The following CLDN16 variants were observed in gnomAD, a reference collection of about 807,000 sequenced individuals.
The protein encoded by CLDN16 is claudin 16, also known as claudin-16.
A neutral mutation model predicts 24.6 loss-of-function variants in CLDN16; 13 were observed. That is an observed-to-expected ratio of 0.53 (90% CI 0.34 to 0.84). The LOEUF is 0.84. CLDN16 is among the 40% of genes least tolerant of loss of function. The probability of loss-of-function intolerance (pLI) is 0.01; values close to 1 mark genes in which losing one functional copy is unlikely to be tolerated. For missense variants in CLDN16, 298 were observed against 292.7 expected, an observed-to-expected ratio of 1.02 and a Z score of -0.13; for synonymous variants, 116 against 106.7, an observed-to-expected ratio of 1.09 and a Z score of -0.54.
chr3:190,351,115 C>A (rs911148192), intron 1 of CLDN16, among the ~76,000 whole-genome samples: 1 of 151,680 alleles, frequency 6.6e-6, no homozygotes, highest in Non-Finnish European at 1.5e-5. Context: ...TGCACTCCCC[C>A]CCACCCCCTT....
chr3:190,395,435 G>T (rs1718792801), intron 1 of CLDN16, among the ~76,000 whole-genome samples: 2 of 151,876 alleles, frequency 1.3e-5, no homozygotes, highest in Non-Finnish European at 2.9e-5. Flanking sequence ...CTCCATTTAG[G>T]CCCTGGGATA....
the CLDN16 span, among the ~76,000 whole-genome samples, chr3:190,292,929 C>T: frequency 5.3e-5 from 8 of 152,318 alleles, no homozygotes; most frequent in Non-Finnish European, 1.0e-4. Context: ...TCTTCTGAGG[C>T]CTCCAAACTG....
the CLDN16 span, among the ~76,000 whole-genome samples, chr3:190,301,686 A>G: frequency 2.0e-5 from 3 of 152,184 alleles, no homozygotes; most frequent in African/African-American, 7.2e-5. Flanking sequence ...CATACCTCAC[A>G]TCTAGTCAAT....
At chr3:190,377,220 G>C (rs544601277) in intron 3 of CLDN16, among the ~76,000 whole-genome samples, 1 of 152,084 alleles carries the variant, frequency 6.6e-6, no homozygotes, top group South Asian at 2.1e-4. Context: ...TGCATATTGT[G>C]CTGCATACTT....
intron 1 of CLDN16, among the ~76,000 whole-genome samples, chr3:190,395,503 T>G (rs1358076375): frequency 6.6e-6 from 1 of 152,020 alleles, no homozygotes; most frequent in Non-Finnish European, 1.5e-5. Flanking sequence ...GTTGGAAAAT[T>G]TAAATGCATT....
intron 4 of CLDN16, among the ~76,000 whole-genome samples, chr3:190,409,186 A>ACACATGTATATGCATGTATATATG (rs1719197308): frequency 2.0e-5 from 2 of 99,520 alleles, no homozygotes; most frequent in African/African-American, 3.6e-5. Flanking sequence ...ATGTATATAT[A>ACACATGTATATGCATGTATATATG]CACACACGTA....
chr3:190,290,848 A>G, the CLDN16 span, among the ~76,000 whole-genome samples: 1 of 152,228 alleles, frequency 6.6e-6, no homozygotes, highest in Admixed American at 6.5e-5. Flanking sequence ...GCACAGTTCT[A>G]GAAATGAGAT....
chr3:190,312,090 C>A, the CLDN16 span, among the ~76,000 whole-genome samples: 2 of 151,590 alleles, frequency 1.3e-5, no homozygotes, highest in African/African-American at 2.4e-5. Flanking sequence ...ACCACCACAC[C>A]CAGCTAATTT....
Position 190,343,482 on chromosome 3 carries a change from C to T in CLDN16, n.121+20821C>T, listed in dbSNP as rs75178351. The stretch of plus-strand genomic sequence containing the variant: ...CTCAAAGGAGATAAAATCACCACCT[C>T]GTAAAGATATCTGCACTCTCATATT... On this transcript the variant is annotated intron_variant and non_coding_transcript_variant, in intron 1 of 4. Coordinates refer to the CLDN16 transcript ENST00000468220. 3.3e-5 allele frequency among the ~76,000 whole-genome samples: 5 copies of T among 152,116 alleles called. No individual in the cohort carries two copies. The East Asian group carries it at 5.8e-4, about 18-fold the overall frequency.
At chr3:190,298,275 A>G in the CLDN16 span, among the ~76,000 whole-genome samples, 1 of 151,960 alleles carries the variant, frequency 6.6e-6, no homozygotes, top group Non-Finnish European at 1.5e-5. Flanking sequence ...CTTTCAAAGG[A>G]AACATTATAC....
the CLDN16 span, among the ~76,000 whole-genome samples, chr3:190,302,060 C>T: frequency 1.8e-4 from 28 of 152,328 alleles, no homozygotes; most frequent in African/African-American, 5.8e-4. Flanking sequence ...TTCATTGCAG[C>T]TGCGTTGGCC....
In CLDN16 at chr3:190,371,498, C is replaced by T. The variant is rs908741677; in HGVS notation, n.230+497C>T. Among the ~76,000 whole-genome samples the T allele has an allele frequency of 2.0e-5, 3 of 151,892 alleles. No homozygotes were observed. The East Asian group carries it at 5.8e-4, about 30-fold the overall frequency. Reference sequence around the variant, plus strand: ...ACTTAATAAGTCATAGACCAATAGTCCAGGCAGAAGGAATCAGGTCAGACT... The same window carrying T: ...ACTTAATAAGTCATAGACCAATAGTTCAGGCAGAAGGAATCAGGTCAGACT... On this transcript the variant is annotated intron_variant and non_coding_transcript_variant, in intron 2 of 4. Transcript: ENST00000468220.
At chr3:190,359,100 G>A (rs1203237933) in intron 1 of CLDN16, among the ~76,000 whole-genome samples, 1 of 151,940 alleles carries the variant, frequency 6.6e-6, no homozygotes, top group Non-Finnish European at 1.5e-5. Context: ...TTTGTAATCA[G>A]GGCATTTGTT....
At chr3:190,338,196 G>A (rs571547957) in intron 1 of CLDN16, among the ~76,000 whole-genome samples, 9 of 152,228 alleles carry the variant, frequency 5.9e-5, no homozygotes, top group African/African-American at 2.2e-4. Flanking sequence ...AGAGCCTGTG[G>A]ATCCAGAGGT....
chr3:190,336,439 T>C (rs887548911), intron 1 of CLDN16, among the ~76,000 whole-genome samples: 1 of 152,192 alleles, frequency 6.6e-6, no homozygotes, highest in Non-Finnish European at 1.5e-5. Context: ...GGCAAAGTTA[T>C]GGCATCTTTT....
At chr3:190,295,392 A>T in the CLDN16 span, among the ~76,000 whole-genome samples, 23 of 152,204 alleles carry the variant, frequency 1.5e-4, no homozygotes, top group African/African-American at 5.5e-4. Context: ...CTTAGGTTGG[A>T]CAGAAAGGAT....
the CLDN16 span, chr3:190,308,269 C>T: frequency 6.2e-7 from 1 of 1,613,574 alleles, no homozygotes; most frequent in Non-Finnish European, 8.5e-7. Flanking sequence ...TCTCCTTTTG[C>T]CTCTGTGTCA....
Position 190,340,890 on chromosome 3 carries a change from G to A in CLDN16, n.121+18229G>A, listed in dbSNP as rs988035724. Among the ~76,000 whole-genome samples, 5 of 152,150 alleles carry A rather than the reference G, an allele frequency of 3.3e-5. No individual in the cohort carries two copies. The East Asian group carries it at 7.7e-4, about 23-fold the overall frequency. On this transcript the variant is annotated intron_variant and non_coding_transcript_variant, in intron 1 of 4. Coordinates refer to the CLDN16 transcript ENST00000468220. Reference sequence around the variant, plus strand: ...ATTGGCCAAAACAAAGGGGTTACAGGCCCCATGCAAGTCGGAAATCCAGCA... The same window carrying A: ...ATTGGCCAAAACAAAGGGGTTACAGACCCCATGCAAGTCGGAAATCCAGCA...
chr3:190,403,437 T>C (rs1171448801), intron 2 of CLDN16, among the ~76,000 whole-genome samples: 1 of 152,216 alleles, frequency 6.6e-6, no homozygotes, highest in Non-Finnish European at 1.5e-5. Flanking sequence ...GTTGATTCTC[T>C]CAATCCTTCT....
Sources: gnomAD v4.1 joint callset for allele counts (sites outside exome capture counted in the v4.1 genomes callset) on GRCh38, gnomAD v4.1.1 for gene constraint, MANE v1.5 for transcripts, NCBI Gene and HGNC (gene_info 2026-07-23, HGNC 2026-07-21) for gene names.